MAST4: variants seen among roughly 807,000 people sequenced by gnomAD.
MAST4 encodes microtubule associated serine/threonine kinase family member 4.
A neutral mutation model predicts 162.7 loss-of-function variants in MAST4; 89 were observed. The observed-to-expected ratio is 0.55, with a 90% CI of 0.46 to 0.65. The LOEUF (loss-of-function observed/expected upper bound fraction) is 0.65. Ranked by LOEUF, MAST4 falls within the 30% of genes least tolerant of loss-of-function variation. MAST4 has a pLI of 0.00. For synonymous variants in MAST4, 1,479 were observed against 1,361.1 expected, an observed-to-expected ratio of 1.09 and a Z score of -1.91; for missense variants, 3,153 against 3,374.0, an observed-to-expected ratio of 0.93 and a Z score of 1.62.
chr5:66,748,558 G>A (rs566478924), intron 1 of MAST4, among the ~76,000 whole-genome samples: 5 of 150,444 alleles, frequency 3.3e-5, no homozygotes, highest in African/African-American at 7.4e-5. Flanking sequence ...GTGCGATCTC[G>A]GCTCACTGCA....
intron 4 of MAST4, among the ~76,000 whole-genome samples, chr5:67,012,060 T>TA (rs1304135828): frequency 1.3e-5 from 2 of 151,884 alleles, no homozygotes; most frequent in Non-Finnish European, 2.9e-5. Flanking sequence ...GTGGTGGGAG[T>TA]AGTATATTGA....
intron 1 of MAST4, among the ~76,000 whole-genome samples, chr5:66,696,565 T>C (rs998254006): frequency 6.6e-6 from 1 of 152,280 alleles, no homozygotes; most frequent in East Asian, 1.9e-4. Context: ...CTGACCGCTC[T>C]GGTGCTCGGC....
intron 1 of MAST4, among the ~76,000 whole-genome samples, chr5:66,617,224 T>G (rs995294523): frequency 6.6e-6 from 1 of 152,228 alleles, no homozygotes; most frequent in Admixed American, 6.5e-5. Context: ...GCTGTTTAGC[T>G]TTTGAAAATG....
At chr5:67,134,767 T>G in intron 18 of MAST4, 79 bp downstream of exon 18, 2 of 1,177,930 alleles carry the variant, frequency 1.7e-6, no homozygotes, top group Non-Finnish European at 2.4e-6. Context: ...TGTCACAGTT[T>G]TTACTACTAA....
intron 3 of MAST4, chr5:66,792,189 T>C (rs1433562958): frequency 6.0e-6 from 1 of 167,764 alleles, no homozygotes; most frequent in Non-Finnish European, 1.5e-5. Flanking sequence ...TCTTCAGCTT[T>C]CTCTTTTCCT....
intron 5 of MAST4, among the ~76,000 whole-genome samples, chr5:67,074,043 A>G (rs1581445748): frequency 6.6e-6 from 1 of 152,304 alleles, no homozygotes. Flanking sequence ...AACTTAGGAC[A>G]TATCTACAAG....
intron 1 of MAST4, among the ~76,000 whole-genome samples, chr5:66,731,208 A>G (rs1751830028): frequency 6.6e-6 from 1 of 152,228 alleles, no homozygotes; most frequent in Non-Finnish European, 1.5e-5. Context: ...TAATCATGAC[A>G]TGCTTTATGA....
intron 5 of MAST4, among the ~76,000 whole-genome samples, chr5:67,078,900 ATTT>A (rs1292493750): frequency 1.3e-5 from 1 of 74,138 alleles, no homozygotes; most frequent in African/African-American, 5.6e-5. Flanking sequence ...ATATTTATAT[ATTT>A]TTATATAAAT....
intron 1 of MAST4, among the ~76,000 whole-genome samples, chr5:66,614,541 A>C (rs1196182972): frequency 6.6e-6 from 1 of 152,162 alleles, no homozygotes; most frequent in Non-Finnish European, 1.5e-5. Flanking sequence ...AGTCTTGATG[A>C]GGGCCATGAG....
chr5:67,045,541 G>A (rs528701087), intron 4 of MAST4, among the ~76,000 whole-genome samples: 32 of 152,174 alleles, frequency 2.1e-4, no homozygotes, highest in Non-Finnish European at 3.5e-4. Context: ...CCACATATAT[G>A]AAGGACTGCA....
intron 1 of MAST4, among the ~76,000 whole-genome samples, chr5:66,603,550 T>G (rs6898174): frequency 0.16 from 23,762 of 152,144 alleles, 2,823 homozygotes; most frequent in African/African-American, 0.32. Context: ...TGAAAGATGG[T>G]GCAAGGCAGA....
chr5:66,841,628 C>T (rs1758433414), intron 3 of MAST4, among the ~76,000 whole-genome samples: 1 of 152,026 alleles, frequency 6.6e-6, no homozygotes, highest in Non-Finnish European at 1.5e-5. Context: ...GGGCATTAAT[C>T]CCATCATGAG....
At chr5:66,870,081 C>A (rs1380035169) in intron 3 of MAST4, among the ~76,000 whole-genome samples, 1 of 152,124 alleles carries the variant, frequency 6.6e-6, no homozygotes, top group African/African-American at 2.4e-5. Context: ...GGTGTTATGC[C>A]TTTCCGTGTG....
At chr5:66,839,744 G>C (rs1758285096) in intron 3 of MAST4, among the ~76,000 whole-genome samples, 1 of 152,224 alleles carries the variant, frequency 6.6e-6, no homozygotes, top group South Asian at 2.1e-4. Flanking sequence ...TTGGTGTACT[G>C]TATTACTTGA....
At chr5:66,634,676 G>C (rs1174034670) in intron 1 of MAST4, among the ~76,000 whole-genome samples, 2 of 152,142 alleles carry the variant, frequency 1.3e-5, no homozygotes, top group Non-Finnish European at 2.9e-5. Context: ...AGTGAATGTT[G>C]AAGCCAATTT....
At chr5:66,832,208 C>G (rs530501037) in intron 3 of MAST4, among the ~76,000 whole-genome samples, 52 of 148,596 alleles carry the variant, frequency 3.5e-4, no homozygotes, top group African/African-American at 1.3e-3. Context: ...CCCACACACG[C>G]CCCCCAATTA....
chr5:66,659,918 G>C (rs1746794840), intron 1 of MAST4, among the ~76,000 whole-genome samples: 1 of 152,178 alleles, frequency 6.6e-6, no homozygotes, highest in South Asian at 2.1e-4. Context: ...AGTGGCACTT[G>C]AAAGTGCCAC....
At chr5:67,121,143 A>G in intron 14 of MAST4, 41 bp downstream of exon 14, 3 of 1,411,506 alleles carry the variant, frequency 2.1e-6, no homozygotes, top group South Asian at 2.5e-5. Context: ...ATTTCTACAC[A>G]CTCAAGTGAT....
chr5:66,683,890 A>G (rs1748479489), intron 1 of MAST4, among the ~76,000 whole-genome samples: 1 of 152,156 alleles, frequency 6.6e-6, no homozygotes, highest in Non-Finnish European at 1.5e-5. Context: ...ATTCCCATCC[A>G]CCTGGCACCC....
Sources: allele counts gnomAD v4.1 joint callset (sites outside exome capture counted in the v4.1 genomes callset), GRCh38; gene constraint gnomAD v4.1.1; transcripts MANE v1.5; gene names NCBI Gene and HGNC (gene_info 2026-07-23, HGNC 2026-07-21).